The following BIRC6 variants were observed in gnomAD, a reference collection of about 807,000 sequenced individuals.
The protein encoded by BIRC6 is baculoviral IAP repeat containing 6.
Under a neutral mutation model 503.3 loss-of-function variants are expected in BIRC6, and 98 were observed. The observed-to-expected ratio is 0.19, with a 90% CI of 0.17 to 0.23. The LOEUF is 0.23. BIRC6 is among the 10% of genes least tolerant of loss of function. The pLI is 1.00. For missense variants in BIRC6, 5,360 were observed against 5,806.0 expected (o/e 0.92, Z 2.50); for synonymous variants, 2,240 against 2,078.7 (o/e 1.08, Z -2.11).
rs2150025801 is a variant in BIRC6, at chr2:32,531,377, C to G, written c.12117C>G (p.Ser4039Arg). ...PEKDHGDLLA[S>R]CPEDEALTPG... ...TAGATCATGGAGACTTACTTGCTAG[C>G]TGTCCAGAAGATGAGGCTCTCACTC... Residue 4039 changes from serine to arginine, a missense_variant, in exon 61 of 74, where the codon AGC (serine) becomes AGG (arginine). This residue lies in a region of BIRC6 where 878 missense variants were observed against 928.9 expected (regional missense o/e 0.95). Coordinates refer to ENST00000421745, the MANE Select transcript of BIRC6 (RefSeq NM_016252.4). The G allele has an allele frequency of 1.9e-6, 3 of 1,611,646 alleles. No individual in the cohort carries two copies. In the East Asian group the frequency reaches 6.7e-5, roughly 36 times the overall value.
intron 70 of BIRC6, chr2:32,602,604 A>C (rs2062140953): frequency 6.3e-6 from 1 of 157,832 alleles, no homozygotes; most frequent in South Asian, 2.0e-4. Flanking sequence ...CAACACTCAA[A>C]GGTTTGAGGC....
chr2:32,559,584 A>T (rs2059013018), intron 65 of BIRC6, among the ~76,000 whole-genome samples: 1 of 152,102 alleles, frequency 6.6e-6, no homozygotes, highest in Non-Finnish European at 1.5e-5. Flanking sequence ...TATTATCTTT[A>T]TCCATTCTTG....
chr2:32,379,363 C>G (rs1237155834), intron 2 of BIRC6: 1 of 152,148 alleles, frequency 6.6e-6, no homozygotes, highest in Non-Finnish European at 1.5e-5. Flanking sequence ...CACTATCAAA[C>G]TATGTTTAGG....
At chr2:32,505,984 C>T (rs1229413273) in intron 50 of BIRC6, among the ~76,000 whole-genome samples, 2 of 151,786 alleles carry the variant, frequency 1.3e-5, no homozygotes, top group African/African-American at 4.8e-5. Context: ...ATAGCTGGGA[C>T]CACAGGCATG....
At chr2:32,460,482 G>T (rs1317118834) in intron 23 of BIRC6, among the ~76,000 whole-genome samples, 1 of 150,934 alleles carries the variant, frequency 6.6e-6, no homozygotes, top group Non-Finnish European at 1.5e-5. Context: ...TTGCCATGTT[G>T]GTCAGGCTGG....
chr2:32,488,221 C>T (rs944373768), intron 41 of BIRC6, among the ~76,000 whole-genome samples: 4 of 151,820 alleles, frequency 2.6e-5, no homozygotes, highest in Non-Finnish European at 5.9e-5. Context: ...CACATGCCTA[C>T]AGTCCCAGCT....
intron 65 of BIRC6, among the ~76,000 whole-genome samples, chr2:32,561,168 A>G (rs1211935800): frequency 1.3e-5 from 2 of 151,482 alleles, no homozygotes; most frequent in African/African-American, 4.8e-5. Flanking sequence ...ATTGCACTGC[A>G]GCCTGGGTGA....
At chr2:32,529,359 G>A (rs912254941) in intron 59 of BIRC6, 1 of 265,752 alleles carries the variant, frequency 3.8e-6, no homozygotes, top group African/African-American at 2.2e-5. Flanking sequence ...TTTATTAGCT[G>A]TCCTTTTATA....
intron 73 of BIRC6, among the ~76,000 whole-genome samples, chr2:32,617,523 C>T (rs1031513432): frequency 2.0e-5 from 3 of 152,162 alleles, no homozygotes; most frequent in Non-Finnish European, 2.9e-5. Context: ...TCAGCAACAT[C>T]GGTTACTTTG....
intron 8 of BIRC6, 55 bp downstream of exon 8, chr2:32,401,678 T>A: frequency 6.8e-7 from 1 of 1,468,092 alleles, no homozygotes; most frequent in Non-Finnish European, 9.3e-7. Context: ...TTCCTAAATT[T>A]TATATTCTCA....
chr2:32,567,957 A>T (rs72858104), intron 65 of BIRC6, among the ~76,000 whole-genome samples: 5,520 of 152,050 alleles, frequency 0.036, 258 homozygotes, highest in African/African-American at 0.11. Context: ...AATAATAATT[A>T]AAAAATTAGC....
chr2:32,438,045 G>T (rs929223387), intron 15 of BIRC6, among the ~76,000 whole-genome samples: 1 of 152,128 alleles, frequency 6.6e-6, no homozygotes, highest in Non-Finnish European at 1.5e-5. Context: ...TCCTACCTTG[G>T]CCTCCCAAAG....
chr2:32,372,052 G>A lies in BIRC6; in HGVS notation c.326-5536G>A, dbSNP rs1439025480. ...ACTCCTGACCTCAAGTGATCCGCCC[G>A]CCTCGGCCTCTTGAAGTGCTGGGAT... On this transcript the variant is annotated intron_variant, in intron 1 of 73. Transcript: ENST00000421745. 2.6e-5 allele frequency among the ~76,000 whole-genome samples: 4 copies of A among 152,238 alleles called. No individual in the cohort carries two copies. The South Asian group carries it at 6.2e-4, about 24-fold the overall frequency.
At chr2:32,502,933 G>A (rs779623751) in intron 48 of BIRC6, 42 bp downstream of exon 48, 8 of 1,538,304 alleles carry the variant, frequency 5.2e-6, no homozygotes, top group Admixed American at 1.9e-5. Context: ...GTGTAGTTAT[G>A]TGATAGTATG....
At chr2:32,568,197 T>A (rs1418494385) in intron 65 of BIRC6, among the ~76,000 whole-genome samples, 2 of 151,414 alleles carry the variant, frequency 1.3e-5, no homozygotes, top group African/African-American at 2.4e-5. Flanking sequence ...CTTTTTTTTT[T>A]TTTTTCAGGA....
At chr2:32,615,226 A>C (rs2063155192) in intron 73 of BIRC6, among the ~76,000 whole-genome samples, 1 of 152,180 alleles carries the variant, frequency 6.6e-6, no homozygotes, top group Admixed American at 6.5e-5. Context: ...TTACATTTCA[A>C]CATGAGATTT....
chr2:32,564,108 C>T (rs1271561015), intron 65 of BIRC6: 1 of 151,926 alleles, frequency 6.6e-6, no homozygotes, highest in Non-Finnish European at 1.5e-5. Flanking sequence ...AACCCTGTAC[C>T]CTTTAGTTAT....
At chr2:32,483,106 C>CG (rs2050596147) in intron 39 of BIRC6, among the ~76,000 whole-genome samples, 1 of 268 alleles carries the variant, frequency 3.7e-3, no homozygotes, top group African/African-American at 0.017. Context: ...TTAGTAGAGA[C>CG]AGGTTTCACC....
intron 5 of BIRC6, among the ~76,000 whole-genome samples, chr2:32,393,728 C>G (rs889500329): frequency 1.3e-5 from 2 of 152,096 alleles, no homozygotes; most frequent in African/African-American, 2.4e-5. Flanking sequence ...ACTGTGTTGC[C>G]CAGGCTGGTT....
Sources: gnomAD v4.1 joint callset for allele counts (sites outside exome capture counted in the v4.1 genomes callset) on GRCh38, gnomAD v4.1.1 for gene constraint, gnomAD v4.1.1 regional missense constraint, MANE v1.5 for transcripts, NCBI Gene and HGNC (gene_info 2026-07-23, HGNC 2026-07-21) for gene names.